TMEM254: variants seen among roughly 807,000 people sequenced by gnomAD.
The protein encoded by TMEM254 is transmembrane protein 254, also known as transmembrane protein C10orf57.
Under a neutral mutation model 13.9 loss-of-function variants are expected in TMEM254, and 16 were observed. The ratio of observed to expected loss-of-function variants is 1.15; its 90% CI spans 0.78 to 1.75. The LOEUF (loss-of-function observed/expected upper bound fraction) is 1.75, where lower values mean the gene tolerates loss of function less well. Among genes scored for constraint, TMEM254 ranks in the 40% most tolerant of loss-of-function variants. The probability of loss-of-function intolerance (pLI) is 0.00; values close to 1 mark genes in which losing one functional copy is unlikely to be tolerated. For synonymous variants in TMEM254, 61 were observed against 56.4 expected, an observed-to-expected ratio of 1.08 and a Z score of -0.36; for missense variants, 155 against 149.0, an observed-to-expected ratio of 1.04 and a Z score of -0.21.
Position 80,091,364 on chromosome 10 carries a change from C to T in TMEM254, c.*447C>T, listed in dbSNP as rs1046707. ...GCTGCACTAAGATAAAGTGACACTT[C>T]CACTATATGTCAATTCCACACACAT... On this transcript the variant is annotated 3_prime_UTR_variant, in exon 4 of 4. Coordinates refer to ENST00000372281, the MANE Select transcript of TMEM254 (RefSeq NM_025125.4). The T allele has an allele frequency of 0.16, 25,241 of 153,222 alleles. 2,318 individuals carry two copies. Among genetic ancestry groups the T allele is most frequent in the Admixed American group, 0.24 (3,698 of 15,364 alleles). 9.5% of individuals were successfully genotyped at this position (153,222 alleles called of 1,614,324 possible).
At chr10:80,088,299 GGATTGCC>G (rs1844409958) in intron 3 of TMEM254, among the ~76,000 whole-genome samples, 1 of 152,032 alleles carries the variant, frequency 6.6e-6, no homozygotes, top group Admixed American at 6.5e-5. Context: ...TTGTTCAATA[GGATTGCC>G]TTTGCCTACA....
chr10:80,083,794 T>C (rs1321943203), intron 3 of TMEM254, among the ~76,000 whole-genome samples: 1 of 152,082 alleles, frequency 6.6e-6, no homozygotes, highest in African/African-American at 2.4e-5. Context: ...TAGCTGCTGC[T>C]GGCCAGGTGC....
chr10:80,089,344 T>C (rs746915049), intron 3 of TMEM254, among the ~76,000 whole-genome samples: 12 of 152,170 alleles, frequency 7.9e-5, no homozygotes, highest in Non-Finnish European at 1.3e-4. Flanking sequence ...AGTTCCATTG[T>C]ATTTCTAACT....
chr10:80,088,536 C>T (rs57129794), intron 3 of TMEM254, among the ~76,000 whole-genome samples: 2,089 of 150,632 alleles, frequency 0.014, 49 homozygotes, highest in African/African-American at 0.047. Flanking sequence ...ATTTAGATCT[C>T]CTTTAATATA....
intron 3 of TMEM254, among the ~76,000 whole-genome samples, chr10:80,082,991 A>G (rs1361488961): frequency 6.6e-6 from 1 of 151,864 alleles, no homozygotes; most frequent in African/African-American, 2.4e-5. Context: ...TGCTATTACT[A>G]TGTTTCAATA....
chr10:80,086,464 A>C, intron 3 of TMEM254: 1 of 329,092 alleles, frequency 3.0e-6, no homozygotes, highest in Non-Finnish European at 5.6e-6. Context: ...TTCCAAAACA[A>C]AATATTTTTG....
At chr10:80,079,495 A>G in intron 1 of TMEM254, 1 of 1,022,776 alleles carries the variant, frequency 9.8e-7, no homozygotes. Flanking sequence ...AGAATGTTTG[A>G]GCCAATAGGA....
chr10:80,084,070 G>A (rs1251401170), intron 3 of TMEM254, among the ~76,000 whole-genome samples: 2 of 152,016 alleles, frequency 1.3e-5, no homozygotes, highest in African/African-American at 4.8e-5. Context: ...GGGTGACAGA[G>A]CAAGACCCTT....
At chr10:80,082,088 A>G in intron 2 of TMEM254, 57 bp from the exon 3 acceptor site, 1 of 1,600,018 alleles carries the variant, frequency 6.2e-7, no homozygotes, top group Non-Finnish European at 8.6e-7. Context: ...GCTGTGTTAG[A>G]TTTCATCAGC....
chr10:80,091,999 A>G lies in TMEM254; in HGVS notation c.*1082A>G, dbSNP rs1445140915. 6.6e-6 allele frequency: 1 copy of G among 152,198 alleles called. No homozygotes were observed. Among genetic ancestry groups the G allele is most frequent in the Non-Finnish European group, 1.5e-5 (1 of 68,046 alleles). The allele number at this position is 152,198 out of a possible 1,614,324, so 9.4% of individuals were successfully genotyped here. ...ATTCAAAACACAAGCATTTCTGTTT[A>G]GAGATTCTAGCCCATGGGTTATCTG... is the stretch of plus-strand genomic sequence containing the variant. On this transcript the variant is annotated 3_prime_UTR_variant, in exon 4 of 4. Coordinates refer to ENST00000372281, the MANE Select transcript of TMEM254 (RefSeq NM_025125.4).
chr10:80,090,764 T>C (rs1186090634), intron 3 of TMEM254, 33 bp from the exon 4 acceptor site: 1 of 1,598,940 alleles, frequency 6.3e-7, no homozygotes, highest in Admixed American at 1.8e-5. Flanking sequence ...AAGATTAACA[T>C]CTCGTGTTTA....
chr10:80,079,522 G>A, intron 1 of TMEM254: 1 of 1,018,256 alleles, frequency 9.8e-7, no homozygotes, highest in Non-Finnish European at 1.2e-6. Context: ...TGGAAAACGG[G>A]GATAAATCTA....
chr10:80,084,762 TTTG>T (rs1348706386), intron 3 of TMEM254, among the ~76,000 whole-genome samples: 1 of 152,168 alleles, frequency 6.6e-6, no homozygotes, highest in Non-Finnish European at 1.5e-5. Flanking sequence ...TGACACCTAT[TTTG>T]TTGTTGGCAT....
In TMEM254 at chr10:80,092,396, C is replaced by T. The variant is rs1844603907; in HGVS notation, c.*1479C>T. The T allele has an allele frequency of 6.6e-6, 1 of 152,088 alleles. No homozygotes were observed. Among genetic ancestry groups the T allele is most frequent in the Non-Finnish European group, 1.5e-5 (1 of 68,028 alleles). 9.4% of individuals were successfully genotyped at this position (152,088 alleles called of 1,614,324 possible). ...TTTTGGTAAGGAAAAGGATTTTTAA[C>T]CATAGAGTTAGGCATCATGGAAATT... is the stretch of plus-strand genomic sequence containing the variant. On this transcript the variant is annotated 3_prime_UTR_variant, in exon 4 of 4. Coordinates refer to ENST00000372281, the MANE Select transcript of TMEM254 (RefSeq NM_025125.4).
chr10:80,080,044 A>G (rs1843901631), intron 1 of TMEM254, among the ~76,000 whole-genome samples: 1 of 152,252 alleles, frequency 6.6e-6, no homozygotes, highest in Admixed American at 6.5e-5. Flanking sequence ...CTGACAACCT[A>G]TGTCCTGATT....
chr10:80,092,214 C>G lies in TMEM254; in HGVS notation c.*1297C>G, dbSNP rs1314689672. On this transcript the variant is annotated 3_prime_UTR_variant, in exon 4 of 4. Coordinates refer to ENST00000372281, the MANE Select transcript of TMEM254 (RefSeq NM_025125.4). Reference sequence around the variant, plus strand: ...AGTGGGGCAAATTATTTGTATTAAGCAAACATTTATGGGAAACAACCCGCT... The same window carrying G: ...AGTGGGGCAAATTATTTGTATTAAGGAAACATTTATGGGAAACAACCCGCT... 6.6e-6 allele frequency: 1 copy of G among 152,136 alleles called. No individual in the cohort carries two copies. Among genetic ancestry groups the G allele is most frequent in the Non-Finnish European group, 1.5e-5 (1 of 68,014 alleles). The allele number at this position is 152,136 out of a possible 1,614,324, so 9.4% of individuals were successfully genotyped here.
chr10:80,089,878 T>A (rs879624338), intron 3 of TMEM254, among the ~76,000 whole-genome samples: 9 of 150,904 alleles, frequency 6.0e-5, no homozygotes, highest in Non-Finnish European at 1.0e-4. Context: ...GGTGGCGGGC[T>A]CCTGTAATCC....
intron 3 of TMEM254, among the ~76,000 whole-genome samples, chr10:80,088,221 AAC>A (rs1733097732): frequency 6.6e-6 from 1 of 152,198 alleles, no homozygotes; most frequent in South Asian, 2.1e-4. Context: ...TCCTTGGGCT[AAC>A]ACAACACTGT....
Position 80,090,890 on chromosome 10 carries a change from C to T in TMEM254, c.345C>T (p.Tyr115=), listed in dbSNP as rs1373223535. ...GIASLTILIA[Y]KRKRQKQT is the part of the protein sequence containing the mutation. Reference sequence around the variant, plus strand: ...CGTCTCTCACCATCTTGATTGCTTACAAACGGAAGCGCCAAAAACAAACTT... The same window carrying T: ...CGTCTCTCACCATCTTGATTGCTTATAAACGGAAGCGCCAAAAACAAACTT... Residue 115 remains tyrosine (Y), a synonymous_variant, in exon 4 of 4, where the codon TAC becomes TAT. Transcript: ENST00000372281. The T allele has an allele frequency of 1.2e-6, 2 of 1,613,982 alleles. No homozygotes were observed. Among genetic ancestry groups the T allele is most frequent in the South Asian group, 2.2e-5 (2 of 91,054 alleles).
Sources: allele counts gnomAD v4.1 joint callset (sites outside exome capture counted in the v4.1 genomes callset), GRCh38; gene constraint gnomAD v4.1.1; transcripts MANE v1.5; gene names NCBI Gene and HGNC (gene_info 2026-07-23, HGNC 2026-07-21).